Variants in PRP4K observed in about 807,000 individuals in gnomAD.
PRP4K encodes the protein serine/threonine-protein kinase PRP4 homolog.
the PRP4K span, chr6:4,050,021 T>G: frequency 9.6e-5 from 4 of 41,746 alleles, no homozygotes; most frequent in East Asian, 7.9e-4. Context: ...AACAGTTGTT[T>G]TTTTTTTTTT....
the PRP4K span, among the ~76,000 whole-genome samples, chr6:4,034,644 T>G: frequency 6.6e-6 from 1 of 152,266 alleles, no homozygotes; most frequent in East Asian, 1.9e-4. Context: ...AAAAATTGTT[T>G]TAATCGAAAT....
chr6:4,050,623 A>G, the PRP4K span: 3 of 160,228 alleles, frequency 1.9e-5, no homozygotes, highest in East Asian at 1.8e-4. Context: ...TTTTCCTCCA[A>G]TAGAAAGTTA....
chr6:4,030,130 A>G, the PRP4K span, among the ~76,000 whole-genome samples: 1 of 152,056 alleles, frequency 6.6e-6, no homozygotes, highest in Non-Finnish European at 1.5e-5. Flanking sequence ...TTTAGTAGAG[A>G]GGGGGTTTCC....
At chr6:4,023,830 G>A in the PRP4K span, among the ~76,000 whole-genome samples, 5 of 151,610 alleles carry the variant, frequency 3.3e-5, no homozygotes, top group Admixed American at 1.3e-4. Flanking sequence ...TCCAGCCTCC[G>A]GAGTAGCTGG....
the PRP4K span, chr6:4,061,551 T>G: frequency 6.5e-6 from 1 of 152,680 alleles, no homozygotes; most frequent in Non-Finnish European, 1.5e-5. Context: ...ATGAAATTTT[T>G]AACTATTTGT....
the PRP4K span, chr6:4,049,105 T>C: frequency 6.9e-6 from 11 of 1,604,518 alleles, no homozygotes; most frequent in African/African-American, 5.4e-5. Flanking sequence ...AAGGCTATTA[T>C]CGTAAGTTCA....
chr6:4,024,242 C>G, the PRP4K span, among the ~76,000 whole-genome samples: 1 of 151,888 alleles, frequency 6.6e-6, no homozygotes, highest in African/African-American at 2.4e-5. Flanking sequence ...AACTACTGGG[C>G]TCAAGTGCTG....
At chr6:4,032,130 A>G in the PRP4K span, 1 of 1,613,336 alleles carries the variant, frequency 6.2e-7, no homozygotes, top group Non-Finnish European at 8.5e-7. Flanking sequence ...TAAGGGGGGT[A>G]TTGAAATCGT....
At chr6:4,021,795 C>T in the PRP4K span, among the ~76,000 whole-genome samples, 4 of 152,172 alleles carry the variant, frequency 2.6e-5, no homozygotes, top group African/African-American at 7.2e-5. Flanking sequence ...TTTTGGGGAC[C>T]CATCTGAGCT....
chr6:4,060,244 C>T, the PRP4K span, among the ~76,000 whole-genome samples: 5 of 152,114 alleles, frequency 3.3e-5, no homozygotes, highest in Non-Finnish European at 7.3e-5. The surrounding 1 kb of genome is among the most constrained non-coding windows in gnomAD (Gnocchi z 4.7). Context: ...TCTTAAGGGA[C>T]CACTGTCATA....
At chr6:4,043,462 G>C in the PRP4K span, among the ~76,000 whole-genome samples, 2 of 152,134 alleles carry the variant, frequency 1.3e-5, no homozygotes, top group African/African-American at 4.8e-5. Context: ...TGTGCCATCA[G>C]TGGGGTCTGC....
chr6:4,024,501 G>A, the PRP4K span, among the ~76,000 whole-genome samples: 3 of 151,790 alleles, frequency 2.0e-5, no homozygotes, highest in Admixed American at 6.6e-5. Context: ...TCAGTTCTCT[G>A]TGTCTCTGTA....
chr6:4,030,728 A>C, the PRP4K span, among the ~76,000 whole-genome samples: 3 of 152,204 alleles, frequency 2.0e-5, no homozygotes, highest in Non-Finnish European at 4.4e-5. Context: ...GAGAGATTAA[A>C]TCACTTGCTG....
the PRP4K span, chr6:4,049,603 T>G: frequency 1.1e-6 from 1 of 908,732 alleles, no homozygotes; most frequent in Non-Finnish European, 1.7e-6. Context: ...ATGGCTTTGA[T>G]TCTTCATTGT....
the PRP4K span, among the ~76,000 whole-genome samples, chr6:4,035,168 G>A: frequency 6.6e-6 from 1 of 151,484 alleles, no homozygotes; most frequent in East Asian, 1.9e-4. Flanking sequence ...CCAGGCTGGA[G>A]TGCAGTGGTG....
chr6:4,040,862 A>G, the PRP4K span: 9 of 1,613,940 alleles, frequency 5.6e-6, no homozygotes, highest in Non-Finnish European at 7.6e-6. Flanking sequence ...AAGTAAAGGA[A>G]GATAAATTTA....
chr6:4,036,312 C>T, the PRP4K span, among the ~76,000 whole-genome samples: 1 of 152,094 alleles, frequency 6.6e-6, no homozygotes, highest in African/African-American at 2.4e-5. Flanking sequence ...ACCTCTGCCT[C>T]CCAGGCTTAC....
chr6:4,027,197 C>A, the PRP4K span, among the ~76,000 whole-genome samples: 1 of 152,256 alleles, frequency 6.6e-6, no homozygotes, highest in South Asian at 2.1e-4. Context: ...GAAATAACAG[C>A]CTTCTCACTG....
the PRP4K span, chr6:4,032,716 A>G: frequency 6.3e-7 from 1 of 1,588,962 alleles, no homozygotes. Context: ...TTAGAAAGAA[A>G]ACGACGAGAA....
Sources: gnomAD v4.1 joint callset for allele counts (sites outside exome capture counted in the v4.1 genomes callset) on GRCh38, gnomAD v4.1.1 for gene constraint, Gnocchi (gnomAD v3.1) non-coding constraint, MANE v1.5 for transcripts, NCBI Gene and HGNC (gene_info 2026-07-23, HGNC 2026-07-21) for gene names.